The following DNM3 variants were observed in gnomAD, a reference collection of about 807,000 sequenced individuals.
DNM3 encodes the protein dynamin-3.
A neutral mutation model predicts 101.6 loss-of-function variants in DNM3; 47 were observed. That is an observed-to-expected ratio of 0.46 (90% CI 0.37 to 0.59). The LOEUF (loss-of-function observed/expected upper bound fraction) is 0.59, where lower values mean the gene tolerates loss of function less well. Among genes scored for constraint, DNM3 ranks in the 20% least tolerant of loss-of-function variants. The probability of loss-of-function intolerance (pLI) is 0.00; values close to 1 mark genes in which losing one functional copy is unlikely to be tolerated. For synonymous variants in DNM3, 385 were observed against 387.9 expected (o/e 0.99, Z 0.09); for missense variants, 849 against 1,085.7 (o/e 0.78, Z 3.06).
At chr1:171,858,326 C>T (rs753956156) in intron 1 of DNM3, among the ~76,000 whole-genome samples, 1 of 152,090 alleles carries the variant, frequency 6.6e-6, no homozygotes, top group African/African-American at 2.4e-5. Context: ...TTTGAGGTAT[C>T]CATTCTTTCA....
At chr1:172,059,002 A>G (rs2050905227) in intron 10 of DNM3, among the ~76,000 whole-genome samples, 1 of 152,230 alleles carries the variant, frequency 6.6e-6, no homozygotes, top group African/African-American at 2.4e-5. Context: ...ATAAAAAATG[A>G]TAAAGGGGAT....
At chr1:172,173,899 T>C (rs1350188207) in intron 14 of DNM3, among the ~76,000 whole-genome samples, 1 of 151,602 alleles carries the variant, frequency 6.6e-6, no homozygotes, top group East Asian at 1.9e-4. Context: ...GGATCATATA[T>C]GGCCAGGACC....
chr1:171,977,309 C>G (rs1248195141), intron 2 of DNM3, among the ~76,000 whole-genome samples: 1 of 152,036 alleles, frequency 6.6e-6, no homozygotes, highest in Non-Finnish European at 1.5e-5. Flanking sequence ...AAACTCAGAC[C>G]ATGCATACTG....
intron 14 of DNM3, among the ~76,000 whole-genome samples, chr1:172,150,916 A>G (rs79860356): frequency 0.019 from 2,883 of 152,268 alleles, 95 homozygotes; most frequent in African/African-American, 0.066. Flanking sequence ...AACCATTTGG[A>G]GAATCTTTTT....
rs80210844 is a variant in DNM3 at position 172,293,163 on chromosome 1, G to T, written c.1770-15565G>T. ...ATTCAATAATTGTGCAAAGGAATTTGTTCAAAGATGATTTTGAAACATTGT... is the reference window on the plus strand; with the variant it reads ...ATTCAATAATTGTGCAAAGGAATTTTTTCAAAGATGATTTTGAAACATTGT... On this transcript the variant is annotated intron_variant, in intron 15 of 20. Coordinates refer to ENST00000627582, the MANE Select transcript of DNM3 (RefSeq NM_015569.5). Among the ~76,000 whole-genome samples, 40 of 152,308 alleles carry T rather than the reference G, an allele frequency of 2.6e-4. 1 individual carries two copies. In the East Asian group the frequency reaches 6.7e-3, roughly 26 times the overall value.
intron 2 of DNM3, among the ~76,000 whole-genome samples, chr1:171,973,244 A>G (rs888916523): frequency 6.6e-6 from 1 of 152,150 alleles, no homozygotes. Flanking sequence ...ACACACAGTT[A>G]ATGTGGGGTG....
At chr1:171,973,188 A>T (rs1324216464) in intron 2 of DNM3, among the ~76,000 whole-genome samples, 1 of 152,234 alleles carries the variant, frequency 6.6e-6, no homozygotes, top group African/African-American at 2.4e-5. Context: ...GTTAAAAGCT[A>T]AGAATTGGAA....
Position 172,360,983 on chromosome 1 carries a change from G to A in DNM3, c.1894-18035G>A, listed in dbSNP as rs9425572. Among the ~76,000 whole-genome samples, 492 of 152,114 alleles carry A rather than the reference G, an allele frequency of 3.2e-3. 2 individuals carry two copies. Among genetic ancestry groups the A allele is most frequent in the African/African-American group, 0.011 (467 of 41,530 alleles). On this transcript the variant is annotated intron_variant, in intron 17 of 20. Coordinates refer to ENST00000627582, the MANE Select transcript of DNM3 (RefSeq NM_015569.5). The stretch of plus-strand genomic sequence containing the variant: ...CTTTTAGCCAGATTTATGAATGAGA[G>A]CCACAAATGGCTACTAAGAAAACTG...
intron 11 of DNM3, among the ~76,000 whole-genome samples, chr1:172,073,139 G>A (rs1301230786): frequency 6.6e-6 from 1 of 151,730 alleles, no homozygotes; most frequent in Non-Finnish European, 1.5e-5. Context: ...AGTATAGGGT[G>A]CTATATAGAT....
At chr1:172,118,113 G>A (rs917002118) in intron 13 of DNM3, among the ~76,000 whole-genome samples, 1 of 152,202 alleles carries the variant, frequency 6.6e-6, no homozygotes, top group African/African-American at 2.4e-5. Flanking sequence ...ACAATCAAAG[G>A]TGAGGAAGGA....
chr1:172,147,569 T>G (rs2057961550), intron 14 of DNM3, among the ~76,000 whole-genome samples: 1 of 152,114 alleles, frequency 6.6e-6, no homozygotes, highest in Non-Finnish European at 1.5e-5. Flanking sequence ...CTTGGCACAT[T>G]TTTATGACTT....
At chr1:172,090,130 CCTGTGGGT>C (rs2053809662) in intron 12 of DNM3, among the ~76,000 whole-genome samples, 1 of 152,118 alleles carries the variant, frequency 6.6e-6, no homozygotes, top group Non-Finnish European at 1.5e-5. Context: ...AAAGGAAGCA[CCTGTGGGT>C]CTATCACAGG....
intron 1 of DNM3, among the ~76,000 whole-genome samples, chr1:171,900,540 G>A (rs1321126030): frequency 2.0e-5 from 3 of 152,166 alleles, no homozygotes; most frequent in African/African-American, 7.2e-5. Context: ...ACCACTTTTA[G>A]GAATGAGGCC....
chr1:171,968,569 C>G (rs1263300947), intron 2 of DNM3, among the ~76,000 whole-genome samples: 1 of 152,178 alleles, frequency 6.6e-6, no homozygotes, highest in Non-Finnish European at 1.5e-5. Flanking sequence ...GCTATTATCT[C>G]TCTCCTGATA....
At chr1:172,241,756 CA>C (rs2061756012) in intron 14 of DNM3, among the ~76,000 whole-genome samples, 1 of 152,106 alleles carries the variant, frequency 6.6e-6, no homozygotes, top group Admixed American at 6.6e-5. Flanking sequence ...TGCTGTGATT[CA>C]GGCCAACAAA....
intron 15 of DNM3, among the ~76,000 whole-genome samples, chr1:172,254,435 T>G (rs2062318570): frequency 6.6e-6 from 1 of 152,156 alleles, no homozygotes; most frequent in African/African-American, 2.4e-5. Context: ...CAAATAAAAA[T>G]GTATAGTATT....
intron 15 of DNM3, among the ~76,000 whole-genome samples, chr1:172,296,833 A>C (rs1472314783): frequency 6.6e-6 from 1 of 152,212 alleles, no homozygotes; most frequent in Non-Finnish European, 1.5e-5. Context: ...TCTTGCAGTT[A>C]ATGTTAGCCT....
intron 1 of DNM3, among the ~76,000 whole-genome samples, chr1:171,877,820 T>A (rs1421976161): frequency 2.0e-5 from 3 of 152,194 alleles, no homozygotes; most frequent in Non-Finnish European, 1.5e-5. Context: ...ACTGAAGAAT[T>A]CAAATTCACA....
intron 1 of DNM3, among the ~76,000 whole-genome samples, chr1:171,910,996 A>T (rs998043753): frequency 6.6e-6 from 1 of 152,196 alleles, no homozygotes. Flanking sequence ...TTAAGGAGTC[A>T]ACACTGAAGT....
Sources: allele counts gnomAD v4.1 joint callset (sites outside exome capture counted in the v4.1 genomes callset), GRCh38; gene constraint gnomAD v4.1.1; transcripts MANE v1.5; gene names NCBI Gene and HGNC (gene_info 2026-07-23, HGNC 2026-07-21).